GRID1: variants seen among roughly 807,000 people sequenced by gnomAD.
GRID1 encodes the protein glutamate ionotropic receptor delta type subunit 1.
In GRID1, 28 loss-of-function variants were observed where a neutral mutation model predicts 98.0. The observed-to-expected ratio is 0.29, with a 90% CI of 0.21 to 0.39. The LOEUF (loss-of-function observed/expected upper bound fraction) is 0.39. Among genes scored for constraint, GRID1 ranks in the 10% least tolerant of loss-of-function variants. The probability of loss-of-function intolerance (pLI) is 1.00; values close to 1 mark genes in which losing one functional copy is unlikely to be tolerated. For synonymous variants in GRID1, 553 were observed against 538.5 expected (o/e 1.03, Z -0.37); for missense variants, 1,111 against 1,340.5 (o/e 0.83, Z 2.67).
intron 2 of GRID1, among the ~76,000 whole-genome samples, chr10:86,344,850 C>T (rs1356006836): frequency 6.6e-6 from 1 of 152,160 alleles, no homozygotes; most frequent in East Asian, 1.9e-4. Flanking sequence ...TCTCTGCTGG[C>T]ACCAGGCGGG....
intron 4 of GRID1, among the ~76,000 whole-genome samples, chr10:86,086,724 CTG>C (rs1844064032): frequency 6.6e-6 from 1 of 152,076 alleles, no homozygotes; most frequent in South Asian, 2.1e-4. Flanking sequence ...GTGCAAGTGT[CTG>C]TGTGTGTGCA....
At chr10:86,242,560 T>C (rs1433606097) in intron 2 of GRID1, among the ~76,000 whole-genome samples, 2 of 152,154 alleles carry the variant, frequency 1.3e-5, no homozygotes. Flanking sequence ...TTTTAAAACT[T>C]TTGAAAGGGA....
At chr10:86,344,859 G>A (rs1848360318) in intron 2 of GRID1, among the ~76,000 whole-genome samples, 1 of 152,202 alleles carries the variant, frequency 6.6e-6, no homozygotes, top group African/African-American at 2.4e-5. Context: ...GCACCAGGCG[G>A]GAACTGCCCA....
intron 3 of GRID1, among the ~76,000 whole-genome samples, chr10:86,176,114 A>G (rs915528267): frequency 6.6e-6 from 1 of 152,250 alleles, no homozygotes; most frequent in African/African-American, 2.4e-5. Flanking sequence ...AAGGGCTGGC[A>G]TTACAGGCGT....
chr10:85,983,075 T>G (rs1260823375), intron 4 of GRID1, among the ~76,000 whole-genome samples: 1 of 152,178 alleles, frequency 6.6e-6, no homozygotes. Flanking sequence ...AACTGGAGTG[T>G]GGAAAGCTGC....
chr10:86,217,580 A>G (rs533645593), intron 2 of GRID1, among the ~76,000 whole-genome samples: 13 of 152,270 alleles, frequency 8.5e-5, no homozygotes, highest in Middle Eastern at 3.4e-3. Flanking sequence ...TCTTGGCCAG[A>G]CACCAATCAT....
rs376862095 is a variant in GRID1, at chr10:86,095,576, A to G, written c.726+43243T>C. ...ATGAATAAGCAATTCTCAAAAGAAGACATACAAATGGCCAACAAACATATC... is the reference window on the plus strand; with the variant it reads ...ATGAATAAGCAATTCTCAAAAGAAGGCATACAAATGGCCAACAAACATATC... On this transcript the variant is annotated intron_variant, in intron 4 of 15. Transcript: ENST00000327946. 4.0e-4 allele frequency among the ~76,000 whole-genome samples: 61 copies of G among 152,374 alleles called. 1 individual carries two copies. The East Asian group carries it at 5.8e-3, about 14-fold the overall frequency.
In GRID1 at chr10:86,195,654, G is replaced by A. The variant is rs1035054204; in HGVS notation, c.520+10710C>T. 6.6e-6 allele frequency among the ~76,000 whole-genome samples: 1 copy of A among 152,156 alleles called. No individual in the cohort carries two copies. The highest frequency in any genetic ancestry group is 2.4e-5 in the African/African-American group (1 of 41,452). On this transcript the variant is annotated intron_variant, in intron 3 of 15. Transcript: ENST00000327946. This position sits in a 1 kb window ranked among gnomAD's most constrained non-coding sequence, Gnocchi z 4.4. ...GCAAACAAGCCCCCGCGGCGACCAC[G>A]CCATCAGGTGGGTAAGAGGATAACT...
chr10:85,608,480 T>G (rs1270199503), intron 15 of GRID1, among the ~76,000 whole-genome samples: 1 of 152,248 alleles, frequency 6.6e-6, no homozygotes, highest in Non-Finnish European at 1.5e-5. Context: ...GAGTCTTGAC[T>G]AGTTCATTCA....
intron 4 of GRID1, among the ~76,000 whole-genome samples, chr10:86,037,420 T>C (rs1843281128): frequency 1.3e-5 from 2 of 152,220 alleles, no homozygotes; most frequent in African/African-American, 4.8e-5. Flanking sequence ...GTAATAATAA[T>C]ACCCACCTTG....
At chr10:85,626,688 T>C (rs1337312177) in intron 13 of GRID1, among the ~76,000 whole-genome samples, 1 of 152,172 alleles carries the variant, frequency 6.6e-6, no homozygotes, top group Non-Finnish European at 1.5e-5. Context: ...TCTTAGTTCC[T>C]ATAGTCACGT....
In GRID1 at chr10:85,900,151, T is replaced by G. The variant is rs141562045; in HGVS notation, c.780+16035A>C. Among the ~76,000 whole-genome samples, 445 of 152,344 alleles carry G rather than the reference T, an allele frequency of 2.9e-3. 4 individuals carry two copies. The highest frequency in any genetic ancestry group is 0.01 in the African/African-American group (417 of 41,574). ...CTGCCTCTGCTTCTCTGTTCCAGCTTTGAAAGGACCCTTCCTGGGGAGCTC... is the reference window on the plus strand; with the variant it reads ...CTGCCTCTGCTTCTCTGTTCCAGCTGTGAAAGGACCCTTCCTGGGGAGCTC... On this transcript the variant is annotated intron_variant, in intron 5 of 15. Transcript: ENST00000327946.
chr10:85,879,091 C>G (rs927091492), intron 5 of GRID1, among the ~76,000 whole-genome samples: 4 of 152,112 alleles, frequency 2.6e-5, no homozygotes, highest in African/African-American at 7.2e-5. Context: ...TATATATGCA[C>G]CCAATACAGG....
At chr10:86,066,363 T>C (rs1366114095) in intron 4 of GRID1, among the ~76,000 whole-genome samples, 1 of 152,188 alleles carries the variant, frequency 6.6e-6, no homozygotes, top group Non-Finnish European at 1.5e-5. Flanking sequence ...TTACTGACAG[T>C]TGAGCAGCTA....
At chr10:85,730,964 C>G (rs936728364) in intron 8 of GRID1, among the ~76,000 whole-genome samples, 1 of 152,110 alleles carries the variant, frequency 6.6e-6, no homozygotes, top group Non-Finnish European at 1.5e-5. Context: ...ATCCATAAGA[C>G]CCCCTAGTTA....
intron 4 of GRID1, among the ~76,000 whole-genome samples, chr10:86,107,037 C>T (rs1377107312): frequency 2.0e-5 from 3 of 152,104 alleles, no homozygotes; most frequent in South Asian, 2.1e-4. Context: ...GACCTGCCTA[C>T]GGAGAACACC....
intron 12 of GRID1, among the ~76,000 whole-genome samples, chr10:85,670,680 C>T (rs1200364229): frequency 6.6e-6 from 1 of 152,112 alleles, no homozygotes; most frequent in Admixed American, 6.5e-5. Flanking sequence ...GGCTTCTGTT[C>T]CCACCCTTCA....
At position 86,250,791 on chromosome 10, in the gene GRID1, C is replaced by A. The variant is rs537242857; in HGVS notation, c.236-44143G>T. 3.3e-4 allele frequency among the ~76,000 whole-genome samples: 50 copies of A among 151,144 alleles called. No homozygotes were observed. The Middle Eastern group carries it at 0.01, about 31-fold the overall frequency. On this transcript the variant is annotated intron_variant, in intron 2 of 15. Coordinates refer to ENST00000327946, the MANE Select transcript of GRID1 (RefSeq NM_017551.3). ...GAGCCCCTCTGCCCGGCCGCCACCC[C>A]GTCTGGGAGGTGGGGGGCCCCTCTG... is the stretch of plus-strand genomic sequence containing the variant.
intron 4 of GRID1, among the ~76,000 whole-genome samples, chr10:86,125,263 G>A (rs1167258552): frequency 2.6e-5 from 4 of 152,222 alleles, no homozygotes; most frequent in Admixed American, 2.6e-4. Context: ...GGTCAGGCAG[G>A]CCGAAACCCT....
Sources: gnomAD v4.1 joint callset for allele counts (sites outside exome capture counted in the v4.1 genomes callset) on GRCh38, gnomAD v4.1.1 for gene constraint, Gnocchi (gnomAD v3.1) non-coding constraint, MANE v1.5 for transcripts, NCBI Gene and HGNC (gene_info 2026-07-23, HGNC 2026-07-21) for gene names.